Variants in SPPL3 observed in about 807,000 individuals in gnomAD.
The protein encoded by SPPL3 is signal peptide peptidase-like 3.
Under a neutral mutation model 42.4 loss-of-function variants are expected in SPPL3, and 5 were observed. The observed-to-expected ratio is 0.12, with a 90% CI of 0.06 to 0.25. SPPL3 has a LOEUF of 0.25. Among genes scored for constraint, SPPL3 ranks in the 10% least tolerant of loss-of-function variants. The pLI is 1.00. For missense variants in SPPL3, 235 were observed against 489.0 expected, an observed-to-expected ratio of 0.48 and a Z score of 4.90; for synonymous variants, 195 against 181.8, an observed-to-expected ratio of 1.07 and a Z score of -0.58.
chr12:120,836,813 G>A (rs1001065629), intron 1 of SPPL3, among the ~76,000 whole-genome samples: 14 of 152,138 alleles, frequency 9.2e-5, no homozygotes, highest in Admixed American at 3.9e-4. Context: ...AACTGTACAC[G>A]CCTTAACATG....
chr12:120,807,605 C>T (rs999100050), intron 2 of SPPL3, among the ~76,000 whole-genome samples: 3 of 149,804 alleles, frequency 2.0e-5, no homozygotes, highest in Middle Eastern at 3.5e-3. Flanking sequence ...GCCTGGGAGG[C>T]GGAGGTTGTG....
intron 1 of SPPL3, among the ~76,000 whole-genome samples, chr12:120,834,979 G>T (rs185989079): frequency 1.3e-5 from 2 of 152,262 alleles, no homozygotes; most frequent in East Asian, 1.9e-4. Context: ...TTTTATAGGG[G>T]TGAAAAATGA....
intron 1 of SPPL3, among the ~76,000 whole-genome samples, chr12:120,837,706 A>C (rs1294167508): frequency 6.6e-6 from 1 of 152,228 alleles, no homozygotes; most frequent in Non-Finnish European, 1.5e-5. Context: ...AAAATAAAAA[A>C]CTACAATATG....
At chr12:120,792,552 T>G (rs1195112406) in intron 2 of SPPL3, among the ~76,000 whole-genome samples, 1 of 151,782 alleles carries the variant, frequency 6.6e-6, no homozygotes, top group Non-Finnish European at 1.5e-5. Context: ...ATACAAAAAT[T>G]TGCTGGGCGT....
intron 1 of SPPL3, among the ~76,000 whole-genome samples, chr12:120,824,004 G>T (rs1190858107): frequency 6.6e-6 from 1 of 151,786 alleles, no homozygotes; most frequent in East Asian, 1.9e-4. Context: ...CCAAGTAGCT[G>T]GGACTACAGG....
chr12:120,769,368 T>A, intron 6 of SPPL3: 1 of 251,876 alleles, frequency 4.0e-6, no homozygotes, highest in Non-Finnish European at 7.8e-6. Flanking sequence ...TGTGGATGTG[T>A]TGTCCTTGCT....
chr12:120,775,309 C>A (rs1869275757), intron 6 of SPPL3, among the ~76,000 whole-genome samples: 2 of 152,194 alleles, frequency 1.3e-5, no homozygotes, highest in South Asian at 4.2e-4. Flanking sequence ...TGCCAGCACA[C>A]CTTGGTTAAT....
Position 120,858,642 on chromosome 12 carries a change from T to C in SPPL3, c.23+45203A>G, listed in dbSNP as rs928868407. On this transcript the variant is annotated intron_variant, in intron 1 of 10. Transcript: ENST00000353487. Reference sequence around the variant, plus strand: ...TGCCTTAAAGAAACTAGAAAGTAAATAGGATGGAAAAGTTAAGAAAGGGAT... The same window carrying C: ...TGCCTTAAAGAAACTAGAAAGTAAACAGGATGGAAAAGTTAAGAAAGGGAT... Among the ~76,000 whole-genome samples, 6 of 151,112 alleles carry C rather than the reference T, an allele frequency of 4.0e-5. 1 individual carries two copies. The highest frequency in any genetic ancestry group is 1.9e-4 in the East Asian group (1 of 5,150).
chr12:120,894,838 T>C (rs1454176775), intron 1 of SPPL3, among the ~76,000 whole-genome samples: 1 of 152,128 alleles, frequency 6.6e-6, no homozygotes, highest in Non-Finnish European at 1.5e-5. Context: ...TACCAGCTAC[T>C]AGTGGGGCTG....
At chr12:120,896,027 C>G (rs928567773) in intron 1 of SPPL3, among the ~76,000 whole-genome samples, 1 of 152,106 alleles carries the variant, frequency 6.6e-6, no homozygotes, top group Non-Finnish European at 1.5e-5. Context: ...TACATCTCCA[C>G]TTCAGAGCAC....
At chr12:120,800,231 G>A (rs1470918376) in intron 2 of SPPL3, among the ~76,000 whole-genome samples, 3 of 152,090 alleles carry the variant, frequency 2.0e-5, no homozygotes, top group East Asian at 1.9e-4. Context: ...GGTCAGGTGC[G>A]GTGGTTCATG....
chr12:120,838,887 G>C (rs1165143032), intron 1 of SPPL3, among the ~76,000 whole-genome samples: 1 of 152,252 alleles, frequency 6.6e-6, no homozygotes, highest in Non-Finnish European at 1.5e-5. Context: ...TGGAGAAACA[G>C]GAACACTTTT....
intron 2 of SPPL3, among the ~76,000 whole-genome samples, chr12:120,795,589 T>C (rs1870070425): frequency 6.6e-6 from 1 of 152,210 alleles, no homozygotes; most frequent in African/African-American, 2.4e-5. Flanking sequence ...GACATCACCC[T>C]CATCTTTTCT....
intron 1 of SPPL3, among the ~76,000 whole-genome samples, chr12:120,826,345 T>TGGAAA (rs1418314521): frequency 6.6e-6 from 1 of 151,052 alleles, no homozygotes; most frequent in Non-Finnish European, 1.5e-5. Context: ...TTCCATGGGT[T>TGGAAA]ATGACAAACT....
intron 1 of SPPL3, among the ~76,000 whole-genome samples, chr12:120,867,943 C>CA (rs1395337811): frequency 3.9e-5 from 6 of 151,976 alleles, no homozygotes; most frequent in African/African-American, 1.4e-4. Flanking sequence ...GACGGGGTTT[C>CA]ACCATGTTGG....
chr12:120,774,955 A>G (rs1160455051), intron 6 of SPPL3, among the ~76,000 whole-genome samples: 1 of 152,182 alleles, frequency 6.6e-6, no homozygotes, highest in African/African-American at 2.4e-5. Context: ...TCAATTTATC[A>G]CTGATATCTC....
intron 1 of SPPL3, among the ~76,000 whole-genome samples, chr12:120,898,683 G>A (rs566149167): frequency 1.3e-5 from 2 of 152,212 alleles, no homozygotes; most frequent in African/African-American, 4.8e-5. Flanking sequence ...TCAACACTGT[G>A]GAAACATTAA....
chr12:120,876,858 AAAG>A (rs1297238225), intron 1 of SPPL3, among the ~76,000 whole-genome samples: 1 of 151,724 alleles, frequency 6.6e-6, no homozygotes, highest in Non-Finnish European at 1.5e-5. Context: ...AAATGCAAAG[AAAG>A]AAGGACGTGA....
chr12:120,870,208 G>C (rs549614057), intron 1 of SPPL3, among the ~76,000 whole-genome samples: 58 of 152,350 alleles, frequency 3.8e-4, no homozygotes, highest in Middle Eastern at 6.8e-3. Flanking sequence ...CACTTTGGGA[G>C]GCTGAGGCGG....
Sources: gnomAD v4.1 joint callset for allele counts (sites outside exome capture counted in the v4.1 genomes callset) on GRCh38, gnomAD v4.1.1 for gene constraint, MANE v1.5 for transcripts, NCBI Gene and HGNC (gene_info 2026-07-23, HGNC 2026-07-21) for gene names.